CCSER1: variants seen among roughly 807,000 people sequenced by gnomAD.
The protein encoded by CCSER1 is serine-rich coiled-coil domain-containing protein 1.
CCSER1 carries 41 observed loss-of-function variants against 82.0 expected under a neutral mutation model. The observed-to-expected ratio is 0.50, with a 90% confidence interval of 0.39 to 0.65. The LOEUF (loss-of-function observed/expected upper bound fraction) is 0.65. Ranked by LOEUF, CCSER1 falls within the 30% of genes least tolerant of loss-of-function variation. The probability of loss-of-function intolerance (pLI) is 0.00; values close to 1 mark genes in which losing one functional copy is unlikely to be tolerated. For missense variants in CCSER1, 1,119 were observed against 1,064.2 expected (o/e 1.05, Z -0.72); for synonymous variants, 414 against 383.9 (o/e 1.08, Z -0.92).
chr4:90,975,360 G>A (rs765033439), intron 9 of CCSER1, among the ~76,000 whole-genome samples: 64 of 151,152 alleles, frequency 4.2e-4, no homozygotes, highest in Non-Finnish European at 8.1e-4. Context: ...GAGATATATG[G>A]ATATGTTAAT....
In CCSER1 at chr4:91,097,104, G is replaced by A. The variant is rs190580293; in HGVS notation, c.2217+11110G>A. On this transcript the variant is annotated intron_variant, in intron 10 of 10. Coordinates refer to ENST00000509176, the MANE Select transcript of CCSER1 (RefSeq NM_001145065.2). ...CCTGTGTGCACAGTTTTTTAATGGC[G>A]GATTGTCTTTATTTTTACCCTACCT... Among the ~76,000 whole-genome samples, 178 of 152,090 alleles carry A rather than the reference G, an allele frequency of 1.2e-3. 2 individuals carry two copies. The highest frequency in any genetic ancestry group is 3.9e-3 in the African/African-American group (161 of 41,486).
At chr4:90,599,802 G>A (rs545965539) in intron 5 of CCSER1, among the ~76,000 whole-genome samples, 72 of 152,050 alleles carry the variant, frequency 4.7e-4, no homozygotes, top group Admixed American at 3.3e-4. Context: ...TAAGTGTTAG[G>A]CACACCTCTA....
chr4:91,115,425 C>G (rs1186818858), intron 10 of CCSER1, among the ~76,000 whole-genome samples: 1 of 151,996 alleles, frequency 6.6e-6, no homozygotes, highest in Non-Finnish European at 1.5e-5. Flanking sequence ...CTCCCACATT[C>G]AAGAGATTTT....
chr4:90,612,493 C>G (rs1579470214), intron 5 of CCSER1, among the ~76,000 whole-genome samples: 2 of 151,956 alleles, frequency 1.3e-5, no homozygotes, highest in East Asian at 3.9e-4. Flanking sequence ...ATAAGATAAA[C>G]TTATTAGATT....
At chr4:90,435,678 AT>A (rs1192254721) in intron 4 of CCSER1, among the ~76,000 whole-genome samples, 1 of 152,118 alleles carries the variant, frequency 6.6e-6, no homozygotes, top group Non-Finnish European at 1.5e-5. Flanking sequence ...ACTTGTGCTG[AT>A]TTATGTATAC....
chr4:90,659,000 G>A (rs1730242512), intron 6 of CCSER1, among the ~76,000 whole-genome samples: 1 of 151,338 alleles, frequency 6.6e-6, no homozygotes, highest in South Asian at 2.1e-4. Flanking sequence ...TGCCTCTCTA[G>A]GTAGTTTTAG....
intron 5 of CCSER1, among the ~76,000 whole-genome samples, chr4:90,582,382 A>C (rs906989709): frequency 3.3e-5 from 5 of 152,156 alleles, no homozygotes; most frequent in Non-Finnish European, 5.9e-5. Flanking sequence ...AAAGGCATAG[A>C]TATTAGTTAG....
intron 6 of CCSER1, among the ~76,000 whole-genome samples, chr4:90,722,668 G>A (rs532777952): frequency 6.5e-4 from 99 of 151,852 alleles, no homozygotes; most frequent in African/African-American, 2.1e-3. Flanking sequence ...TTTACTCAAT[G>A]CACTGCCTTA....
At chr4:91,288,885 A>G (rs1330877593) in intron 10 of CCSER1, among the ~76,000 whole-genome samples, 1 of 152,038 alleles carries the variant, frequency 6.6e-6, no homozygotes, top group East Asian at 1.9e-4. Flanking sequence ...CCAGGAACGT[A>G]GTGCCTGCTT....
intron 3 of CCSER1, among the ~76,000 whole-genome samples, chr4:90,397,945 G>A (rs1365186883): frequency 6.6e-6 from 1 of 152,160 alleles, no homozygotes; most frequent in African/African-American, 2.4e-5. Context: ...CTTGTTGGTT[G>A]TATTGGTTTG....
chr4:90,674,867 A>C (rs757886326), intron 6 of CCSER1, among the ~76,000 whole-genome samples: 31 of 151,946 alleles, frequency 2.0e-4, no homozygotes, highest in Non-Finnish European at 3.4e-4. Flanking sequence ...TTTCACCCCC[A>C]AGAAACAAAG....
At chr4:90,909,141 C>A (rs991901999) in intron 8 of CCSER1, among the ~76,000 whole-genome samples, 4 of 152,188 alleles carry the variant, frequency 2.6e-5, no homozygotes, top group Non-Finnish European at 5.9e-5. Context: ...GTTTCTACCT[C>A]TGTCTTCACA....
At chr4:91,397,158 T>C (rs181538220) in intron 10 of CCSER1, among the ~76,000 whole-genome samples, 1 of 152,210 alleles carries the variant, frequency 6.6e-6, no homozygotes, top group East Asian at 1.9e-4. Flanking sequence ...ATTGATTTCT[T>C]CTTAGGCCCT....
At chr4:90,773,362 G>A (rs1487334184) in intron 7 of CCSER1, among the ~76,000 whole-genome samples, 2 of 152,254 alleles carry the variant, frequency 1.3e-5, no homozygotes, top group Middle Eastern at 3.4e-3. Flanking sequence ...AAGATGAATC[G>A]ACACATCAGA....
chr4:91,335,063 A>AT (rs1364720814), intron 10 of CCSER1, among the ~76,000 whole-genome samples: 1 of 151,972 alleles, frequency 6.6e-6, no homozygotes, highest in Non-Finnish European at 1.5e-5. Context: ...ATTCTTTGTA[A>AT]TATTGCAGAA....
At chr4:91,141,364 G>T (rs1297164144) in intron 10 of CCSER1, among the ~76,000 whole-genome samples, 1 of 151,864 alleles carries the variant, frequency 6.6e-6, no homozygotes, top group Non-Finnish European at 1.5e-5. Context: ...GTTGGCCAGG[G>T]TGGTCTCGAA....
chr4:90,631,062 T>A (rs1197911948), intron 6 of CCSER1, among the ~76,000 whole-genome samples: 1 of 151,678 alleles, frequency 6.6e-6, no homozygotes, highest in African/African-American at 2.4e-5. Flanking sequence ...CCCGGCTAAT[T>A]TTATGTATTT....
intron 7 of CCSER1, among the ~76,000 whole-genome samples, chr4:90,742,670 ATGT>A (rs1746736535): frequency 2.6e-5 from 4 of 152,258 alleles, no homozygotes; most frequent in African/African-American, 9.6e-5. Flanking sequence ...TAATGGTACC[ATGT>A]TGTATCAAAT....
chr4:90,919,806 A>G (rs1030688488), intron 8 of CCSER1, among the ~76,000 whole-genome samples: 1 of 151,968 alleles, frequency 6.6e-6, no homozygotes, highest in African/African-American at 2.4e-5. Context: ...TTAACAATCA[A>G]TGTAAATCAC....
Sources: gnomAD v4.1 joint callset for allele counts (sites outside exome capture counted in the v4.1 genomes callset) on GRCh38, gnomAD v4.1.1 for gene constraint, MANE v1.5 for transcripts, NCBI Gene and HGNC (gene_info 2026-07-23, HGNC 2026-07-21) for gene names.